MEGF8: variants seen among roughly 807,000 people sequenced by gnomAD.
MEGF8 encodes multiple epidermal growth factor-like domains protein 8.
A neutral mutation model predicts 302.9 loss-of-function variants in MEGF8; 156 were observed. The ratio of observed to expected loss-of-function variants is 0.52; its 90% CI spans 0.45 to 0.59. MEGF8 has a LOEUF of 0.59. Among genes scored for constraint, MEGF8 ranks in the 20% least tolerant of loss-of-function variants. MEGF8 has a pLI of 0.00. For synonymous variants in MEGF8, 1,621 were observed against 1,660.5 expected (o/e 0.98, Z 0.58); for missense variants, 3,345 against 3,964.5 (o/e 0.84, Z 4.20).
At position 42,336,630 on chromosome 19, in the gene MEGF8, T is replaced by C. The variant is rs540236183; in HGVS notation, c.1245-177T>C. On this transcript the variant is annotated intron_variant, in intron 6 of 41. Transcript: ENST00000251268. The surrounding 1 kb of genome is among the most constrained non-coding windows in gnomAD (Gnocchi z 4.8). ...TTGGTGTCCAGCCCTTGCTAGCTTA[T>C]GCAGGTAACTCAGAGATGACTCAGG... is the stretch of plus-strand genomic sequence containing the variant. Among the ~76,000 whole-genome samples, 35 of 152,358 alleles carry C rather than the reference T, an allele frequency of 2.3e-4. 1 individual carries two copies. Among genetic ancestry groups the C allele is most frequent in the South Asian group, 6.2e-4 (3 of 4,830 alleles).
At position 42,326,442 on chromosome 19, in the gene MEGF8, C is replaced by G; in HGVS notation, c.187+12C>G. On this transcript the variant is annotated intron_variant, in intron 1 of 41. Coordinates refer to ENST00000251268, the MANE Select transcript of MEGF8 (RefSeq NM_001271938.2). The stretch of plus-strand genomic sequence containing the variant: ...GTGGCTCATCGAGGGTGAGTGGGGC[C>G]GCGTGGGTCACTCACTAATTCGCTG... The G allele has an allele frequency of 1.3e-6, 2 of 1,521,148 alleles. No homozygotes were observed. The highest frequency in any genetic ancestry group is 1.8e-6 in the Non-Finnish European group (2 of 1,141,300). 94.2% of individuals were successfully genotyped at this position (1,521,148 alleles called of 1,614,324 possible).
At chr19:42,362,939 C>T in intron 34 of MEGF8, 109 bp from the exon 35 acceptor site, 1 of 913,284 alleles carries the variant, frequency 1.1e-6, no homozygotes. Context: ...GGCTGGATTC[C>T]TGGGTTAAGG....
chr19:42,333,969 G>A (rs1481256903), intron 2 of MEGF8, 38 bp from the exon 3 acceptor site: 7 of 1,591,838 alleles, frequency 4.4e-6, no homozygotes, highest in Non-Finnish European at 6.0e-6. Context: ...CAATCCCCAG[G>A]CCCTGCCCAC....
Position 42,351,418 on chromosome 19 carries a change from C to A in MEGF8, c.2856-11C>A, listed in dbSNP as rs752792233. 13 of 1,589,176 alleles carry A rather than the reference C, an allele frequency of 8.2e-6. No individual in the cohort carries two copies. The highest frequency in any genetic ancestry group is 1.1e-5 in the Non-Finnish European group (13 of 1,168,394). On this transcript the variant is annotated splice_polypyrimidine_tract_variant and intron_variant, in intron 16 of 41. Coordinates refer to ENST00000251268, the MANE Select transcript of MEGF8 (RefSeq NM_001271938.2). This position sits in a 1 kb window ranked among gnomAD's most constrained non-coding sequence, Gnocchi z 5.6. ...CTGTGGAGTGACCTGGCCCCCTGCT[C>A]CCCACCCCAGGCGACTGACCTGTGA... is the stretch of plus-strand genomic sequence containing the variant.
intron 35 of MEGF8, among the ~76,000 whole-genome samples, chr19:42,367,444 AC>A (rs1600071799): frequency 6.6e-6 from 1 of 151,520 alleles, no homozygotes; most frequent in East Asian, 1.9e-4. Flanking sequence ...GCCCGCCACC[AC>A]GCCTGGCTAA....
chr19:42,351,137 C>G lies in MEGF8; in HGVS notation c.2737-79C>G, dbSNP rs891791266. 8.1e-7 allele frequency: 1 copy of G among 1,241,900 alleles called. No homozygotes were observed. The highest frequency in any genetic ancestry group is 1.5e-5 in the African/African-American group (1 of 66,286). 76.9% of individuals were successfully genotyped at this position (1,241,900 alleles called of 1,614,324 possible). A position where few individuals can be genotyped will look rare whatever the true frequency, so the allele number is the denominator to read the frequency against. Reference sequence around the variant, plus strand: ...TACAGGGACAGTCTGCAGGGTGGGGCAGGGGGTGGGATGGGCACTGGGAGT... The same window carrying G: ...TACAGGGACAGTCTGCAGGGTGGGGGAGGGGGTGGGATGGGCACTGGGAGT... On this transcript the variant is annotated intron_variant, in intron 15 of 41. Transcript: ENST00000251268. This position sits in a 1 kb window ranked among gnomAD's most constrained non-coding sequence, Gnocchi z 5.6.
chr19:42,346,371 G>C (rs2039289119), intron 12 of MEGF8, among the ~76,000 whole-genome samples: 1 of 151,852 alleles, frequency 6.6e-6, no homozygotes, highest in South Asian at 2.1e-4. Context: ...GTGAAACCCT[G>C]TCTCTACTAA....
rs1329245586 is a variant in MEGF8 at position 42,375,827 on chromosome 19, A to G, written c.7590A>G (p.Pro2530=). ...GVHTVHIQPP[P]APPPPPPPAD... ...ATACTGTACACATCCAGCCACCCCC[A>G]GCCCCACCACCTCCACCACCCCCTG... is the stretch of plus-strand genomic sequence containing the variant. Residue 2530 remains proline, a synonymous_variant, in exon 42 of 42, where the codon CCA becomes CCG. Coordinates refer to ENST00000251268, the MANE Select transcript of MEGF8 (RefSeq NM_001271938.2). The surrounding 1 kb of genome is among the most constrained non-coding windows in gnomAD (Gnocchi z 7.1). 3.7e-6 allele frequency: 6 copies of G among 1,611,602 alleles called. No homozygotes were observed. Among genetic ancestry groups the G allele is most frequent in the Non-Finnish European group, 3.4e-6 (4 of 1,179,536 alleles).
chr19:42,369,316 A>C lies in MEGF8; in HGVS notation c.6642-215A>C, dbSNP rs946980679. On this transcript the variant is annotated intron_variant, in intron 37 of 41. Transcript: ENST00000251268. The surrounding 1 kb of genome is among the most constrained non-coding windows in gnomAD (Gnocchi z 5.7). Reference sequence around the variant, plus strand: ...AGGGAGACCCCATCTCTACAAAAAAATAAAAAAGAAAATAGGGTACCCTCA... The same window carrying C: ...AGGGAGACCCCATCTCTACAAAAAACTAAAAAAGAAAATAGGGTACCCTCA... Among the ~76,000 whole-genome samples the C allele has an allele frequency of 6.6e-6, 1 of 152,210 alleles. No homozygotes were observed. Among genetic ancestry groups the C allele is most frequent in the Non-Finnish European group, 1.5e-5 (1 of 68,032 alleles).
chr19:42,327,954 G>A (rs1455124152), intron 1 of MEGF8, among the ~76,000 whole-genome samples: 1 of 152,198 alleles, frequency 6.6e-6, no homozygotes, highest in Non-Finnish European at 1.5e-5. Flanking sequence ...AATTAGCTGG[G>A]TGTGATGGCG....
intron 1 of MEGF8, among the ~76,000 whole-genome samples, chr19:42,331,790 G>A (rs185044427): frequency 6.6e-6 from 1 of 151,626 alleles, no homozygotes; most frequent in African/African-American, 2.4e-5. Flanking sequence ...GGCTGGTCTC[G>A]AACTCTTGAC....
rs1394908340 is a variant in MEGF8 at position 42,368,482 on chromosome 19, CG to C, written c.6302del (p.Arg2101HisfsTer62). 1 of 1,609,564 alleles carries C rather than the reference CG, an allele frequency of 6.2e-7. No homozygotes were observed. Among genetic ancestry groups the C allele is most frequent in the Admixed American group, 1.7e-5 (1 of 59,648 alleles). On this transcript the variant is annotated frameshift_variant, in exon 36 of 42. Coordinates refer to ENST00000251268, the MANE Select transcript of MEGF8 (RefSeq NM_001271938.2). LOFTEE classifies it high-confidence loss of function. This position sits in a 1 kb window ranked among gnomAD's most constrained non-coding sequence, Gnocchi z 4.9. ...QCLSPSYLPLRCMAGGCGRLL... is the reference protein window; with the variant it reads ...QCLSPSYLPLXCMAGGCGRLL... The stretch of plus-strand genomic sequence containing the variant: ...TCTGAGCCCTTCCTACCTGCCCCTG[CG>C]ATGTATGGCCGGAGGCTGTGGGCGG...
Position 42,375,486 on chromosome 19 carries a change from C to T in MEGF8, c.7270-21C>T, listed in dbSNP as rs755922902. The stretch of plus-strand genomic sequence containing the variant: ...CACCGCACTCAGCCCTGATGGTCAC[C>T]GCCTCTAACCCTGCCCGCAGTGCGC... On this transcript the variant is annotated intron_variant, in intron 41 of 41. Coordinates refer to ENST00000251268, the MANE Select transcript of MEGF8 (RefSeq NM_001271938.2). This position sits in a 1 kb window ranked among gnomAD's most constrained non-coding sequence, Gnocchi z 7.1. 67 of 1,545,424 alleles carry T rather than the reference C, an allele frequency of 4.3e-5. No individual in the cohort carries two copies. Among genetic ancestry groups the T allele is most frequent in the South Asian group, 1.8e-4 (15 of 81,656 alleles).
At chr19:42,363,615 G>A (rs2039564179) in intron 35 of MEGF8, among the ~76,000 whole-genome samples, 1 of 151,966 alleles carries the variant, frequency 6.6e-6, no homozygotes, top group African/African-American at 2.4e-5. Context: ...TAATTCATAG[G>A]TTCACATCCA....
In MEGF8 at chr19:42,336,329, C is replaced by CT; in HGVS notation, c.1227_1228insT (p.Arg410SerfsTer15). On this transcript the variant is annotated frameshift_variant, in exon 6 of 42. Transcript: ENST00000251268. LOFTEE classifies it high-confidence loss of function. The surrounding 1 kb of genome is among the most constrained non-coding windows in gnomAD (Gnocchi z 4.8). ...GTGCCCTGCTGGTCCATGGTGGACA[C>CT]CGGCCCTCCACTGCCCGGTAAGTGA... 1 of 1,600,304 alleles carries CT rather than the reference C, an allele frequency of 6.2e-7. No homozygotes were observed.
Position 42,375,771 on chromosome 19 carries a change from G to A in MEGF8, c.7534G>A (p.Val2512Met), listed in dbSNP as rs150782421. 85 of 1,612,844 alleles carry A rather than the reference G, an allele frequency of 5.3e-5. No homozygotes were observed. The African/African-American group carries it at 6.5e-4, about 12-fold the overall frequency. The change falls in exon 42 of 42, where the codon GTG becomes ATG. Residue 2512 changes from valine (V) to methionine (M), a missense_variant. Coordinates refer to ENST00000251268, the MANE Select transcript of MEGF8 (RefSeq NM_001271938.2). This position sits in a 1 kb window ranked among gnomAD's most constrained non-coding sequence, Gnocchi z 7.1. ...LYVSTSYDTF[V>M]VRVAPDTGVH... ...TGTCTCCACCTCCTATGACACCTTC[G>A]TGGTCCGTGTGGCCCCTGACACTGG...
At chr19:42,373,774 G>A (rs931864831) in intron 41 of MEGF8, among the ~76,000 whole-genome samples, 7 of 144,616 alleles carry the variant, frequency 4.8e-5, no homozygotes, top group East Asian at 2.1e-4. Context: ...GTATAATGGC[G>A]CAATCATAGT....
intron 13 of MEGF8, 75 bp downstream of exon 13, chr19:42,348,547 G>A: frequency 7.3e-7 from 1 of 1,366,914 alleles, no homozygotes; most frequent in Non-Finnish European, 9.7e-7. Context: ...GAGCATCTGT[G>A]GTGATTTGAA....
At position 42,344,707 on chromosome 19, in the gene MEGF8, T is replaced by C. The variant is rs781371635; in HGVS notation, c.1971T>C (p.Thr657=). The C allele has an allele frequency of 1.9e-6, 3 of 1,606,488 alleles. No individual in the cohort carries two copies. Among genetic ancestry groups the C allele is most frequent in the Non-Finnish European group, 2.6e-6 (3 of 1,175,954 alleles). Residue 657 remains threonine (T), a synonymous_variant, in exon 12 of 42, where the codon ACT becomes ACC. Coordinates refer to ENST00000251268, the MANE Select transcript of MEGF8 (RefSeq NM_001271938.2). The surrounding 1 kb of genome is among the most constrained non-coding windows in gnomAD (Gnocchi z 4.5). The part of the protein sequence containing the change: ...ARCRGEQISG[T]VGWWGPAPVF... ...GCCGAGGGGAGCAGATCTCAGGCAC[T>C]GTGGGCTGGTGGGGGCCTGCGCCTG...
Sources: gnomAD v4.1 joint callset for allele counts (sites outside exome capture counted in the v4.1 genomes callset) on GRCh38, gnomAD v4.1.1 for gene constraint, Gnocchi (gnomAD v3.1) non-coding constraint, MANE v1.5 for transcripts, NCBI Gene and HGNC (gene_info 2026-07-23, HGNC 2026-07-21) for gene names.